Variants in ZFPM2 observed in about 807,000 individuals in gnomAD.
The protein encoded by ZFPM2 is zinc finger protein ZFPM2.
ZFPM2 carries 20 observed loss-of-function variants against 98.6 expected under a neutral mutation model. That is an observed-to-expected ratio of 0.20 (90% CI 0.14 to 0.29). The LOEUF (loss-of-function observed/expected upper bound fraction) is 0.29. Ranked by LOEUF, ZFPM2 falls within the 10% of genes least tolerant of loss-of-function variation. ZFPM2 has a pLI of 1.00. For missense variants in ZFPM2, 1,310 were observed against 1,388.6 expected, an observed-to-expected ratio of 0.94 and a Z score of 0.90; for synonymous variants, 518 against 502.7, an observed-to-expected ratio of 1.03 and a Z score of -0.41.
intron 5 of ZFPM2, among the ~76,000 whole-genome samples, chr8:105,748,186 G>T (rs566985937): frequency 6.6e-6 from 1 of 152,150 alleles, no homozygotes; most frequent in South Asian, 2.1e-4. Context: ...AAAGGCTTTA[G>T]TTATTAAGAC....
rs768045140 is a variant in ZFPM2 at position 105,803,532 on chromosome 8, C to T, written c.3450C>T (p.Val1150=). ...GCTCATCACATGCAGCAGAACATGT[C>T]AAATGAACTAACTAAACATCAGTCA... ...FYCSSHAAEH[V]K is the part of the protein sequence containing the mutation. The change falls in exon 8 of 8, where the codon GTC becomes GTT. Residue 1150 remains valine, a synonymous_variant. Transcript: ENST00000407775. The T allele has an allele frequency of 7.5e-6, 12 of 1,605,488 alleles. No homozygotes were observed. The highest frequency in any genetic ancestry group is 1.0e-5 in the Non-Finnish European group (12 of 1,175,488).
intron 2 of ZFPM2, among the ~76,000 whole-genome samples, chr8:105,426,291 A>T (rs1176871299): frequency 3.3e-5 from 5 of 152,210 alleles, no homozygotes; most frequent in Non-Finnish European, 5.9e-5. Flanking sequence ...AAGAAAAGCC[A>T]ATATGACTTT....
intron 5 of ZFPM2, among the ~76,000 whole-genome samples, chr8:105,665,078 A>G (rs374573911): frequency 6.6e-6 from 1 of 152,176 alleles, no homozygotes; most frequent in Non-Finnish European, 1.5e-5. Flanking sequence ...GCATGATGCA[A>G]ACATCTGGTG....
rs139100301 is a variant in ZFPM2 at position 105,565,500 on chromosome 8, T to C, written c.420+4019T>C. ...CAAGTGCAAGAGAAGATAATATTTA[T>C]CTCCTTTGTTGCAGAGGCGTAAACT... On this transcript the variant is annotated intron_variant, in intron 4 of 7. Transcript: ENST00000407775. Among the ~76,000 whole-genome samples the C allele has an allele frequency of 1.1e-3, 170 of 152,282 alleles. 2 individuals carry two copies. The highest frequency in any genetic ancestry group is 1.7e-3 in the Non-Finnish European group (113 of 68,028).
rs372431089 is a variant in ZFPM2 at position 105,802,368 on chromosome 8, C to T, written c.2286C>T (p.Asp762=). The part of the protein sequence containing the change: ...RPPLVQQRFL[D]VANLNNPCTS... ...CACTGGTTCAGCAGAGATTTCTTGA[C>T]GTAGCCAACCTCAATAATCCTTGTA... The change falls in exon 8 of 8, where the codon GAC becomes GAT. Residue 762 remains aspartate (D), a synonymous_variant. Transcript: ENST00000407775. 62 of 1,613,754 alleles carry T rather than the reference C, an allele frequency of 3.8e-5. No homozygotes were observed. The African/African-American group carries it at 5.2e-4, about 14-fold the overall frequency.
At chr8:105,468,850 A>G (rs1311461900) in intron 3 of ZFPM2, among the ~76,000 whole-genome samples, 2 of 152,186 alleles carry the variant, frequency 1.3e-5, no homozygotes, top group Non-Finnish European at 2.9e-5. Flanking sequence ...TTTATTCCCC[A>G]ATAACCTTGT....
At chr8:105,757,094 C>A (rs1249653752) in intron 5 of ZFPM2, among the ~76,000 whole-genome samples, 1 of 152,144 alleles carries the variant, frequency 6.6e-6, no homozygotes, top group Non-Finnish European at 1.5e-5. Context: ...ATATTTCATG[C>A]AACATAATAA....
At chr8:105,532,185 A>G (rs180776505) in intron 3 of ZFPM2, among the ~76,000 whole-genome samples, 337 of 152,264 alleles carry the variant, frequency 2.2e-3, no homozygotes, top group African/African-American at 7.8e-3. Context: ...TACAGGTGTG[A>G]GCTACCAAGC....
Position 105,508,632 on chromosome 8 carries a change from C to T in ZFPM2, c.302-52731C>T, listed in dbSNP as rs113968005. The stretch of plus-strand genomic sequence containing the variant: ...TATTGTGAGCTGAGAAACTGGCCTC[C>T]TTCACTGCCAGAGACCAGATGCACC... On this transcript the variant is annotated intron_variant, in intron 3 of 7. Transcript: ENST00000407775. Among the ~76,000 whole-genome samples, 1,217 of 152,126 alleles carry T rather than the reference C, an allele frequency of 8.0e-3. 8 individuals carry two copies. Among genetic ancestry groups the T allele is most frequent in the Middle Eastern group, 0.034 (10 of 294 alleles).
chr8:105,493,020 A>G (rs1813387370), intron 3 of ZFPM2, among the ~76,000 whole-genome samples: 1 of 152,204 alleles, frequency 6.6e-6, no homozygotes, highest in Non-Finnish European at 1.5e-5. Flanking sequence ...AGTTGACTTG[A>G]GACCTCTATT....
At chr8:105,481,823 C>G (rs967333871) in intron 3 of ZFPM2, among the ~76,000 whole-genome samples, 3 of 152,134 alleles carry the variant, frequency 2.0e-5, no homozygotes, top group African/African-American at 7.2e-5. Flanking sequence ...TGGATGCAGT[C>G]ACAAACTAAC....
At chr8:105,774,671 C>A (rs1396447126) in intron 5 of ZFPM2, among the ~76,000 whole-genome samples, 2 of 152,060 alleles carry the variant, frequency 1.3e-5, no homozygotes, top group Non-Finnish European at 2.9e-5. Context: ...ATACTTAAAA[C>A]TTAGTAAACC....
chr8:105,597,775 C>G (rs1816001278), intron 4 of ZFPM2, among the ~76,000 whole-genome samples: 1 of 152,164 alleles, frequency 6.6e-6, no homozygotes, highest in Non-Finnish European at 1.5e-5. Context: ...AAATGGTCTC[C>G]TATTTAATTT....
chr8:105,531,183 C>T lies in ZFPM2; in HGVS notation c.302-30180C>T, dbSNP rs115173263. On this transcript the variant is annotated intron_variant, in intron 3 of 7. Coordinates refer to ENST00000407775, the MANE Select transcript of ZFPM2 (RefSeq NM_012082.4). ...TGAGCTACATCACACTTTATATGTG[C>T]TTAATTGTCCTCTTGTATTAGTTTC... 3.2e-3 allele frequency among the ~76,000 whole-genome samples: 491 copies of T among 152,188 alleles called. 1 individual carries two copies. The highest frequency in any genetic ancestry group is 0.011 in the African/African-American group (464 of 41,542).
intron 3 of ZFPM2, among the ~76,000 whole-genome samples, chr8:105,551,862 G>A (rs1209833956): frequency 6.6e-6 from 1 of 152,040 alleles, no homozygotes; most frequent in East Asian, 1.9e-4. Context: ...ATCTTGGTTT[G>A]TTATAGATAT....
intron 4 of ZFPM2, among the ~76,000 whole-genome samples, chr8:105,594,380 A>G (rs1266507401): frequency 6.6e-6 from 1 of 152,136 alleles, no homozygotes; most frequent in East Asian, 1.9e-4. Context: ...TTTTACTTTT[A>G]ATATGGTAGC....
chr8:105,474,612 A>T (rs1482670654), intron 3 of ZFPM2, among the ~76,000 whole-genome samples: 1 of 152,178 alleles, frequency 6.6e-6, no homozygotes, highest in African/African-American at 2.4e-5. Flanking sequence ...AAAGAATGAG[A>T]ATTCTATGGA....
chr8:105,687,990 A>C (rs1563521718), intron 5 of ZFPM2, among the ~76,000 whole-genome samples: 1 of 152,132 alleles, frequency 6.6e-6, no homozygotes, highest in East Asian at 1.9e-4. Context: ...AAAAGGGGTA[A>C]GTGGCATCAA....
chr8:105,580,948 A>G (rs1815582462), intron 4 of ZFPM2, among the ~76,000 whole-genome samples: 1 of 151,796 alleles, frequency 6.6e-6, no homozygotes, highest in Non-Finnish European at 1.5e-5. Flanking sequence ...TTACAATGAA[A>G]ATTACATTGT....
Sources: gnomAD v4.1 joint callset for allele counts (sites outside exome capture counted in the v4.1 genomes callset) on GRCh38, gnomAD v4.1.1 for gene constraint, MANE v1.5 for transcripts, NCBI Gene and HGNC (gene_info 2026-07-23, HGNC 2026-07-21) for gene names.